Variants in ADGRF4 observed in about 807,000 individuals in gnomAD.
ADGRF4 encodes G-protein coupled receptor PGR18.
Under a neutral mutation model 58.5 loss-of-function variants are expected in ADGRF4, and 63 were observed. The ratio of observed to expected loss-of-function variants is 1.08; its 90% confidence interval spans 0.88 to 1.33. ADGRF4 has a LOEUF of 1.33. ADGRF4 is among the 40% of genes most tolerant of loss of function. ADGRF4 has a pLI of 0.00. For synonymous variants in ADGRF4, 313 were observed against 295.4 expected, an observed-to-expected ratio of 1.06 and a Z score of -0.61; for missense variants, 931 against 843.9, an observed-to-expected ratio of 1.10 and a Z score of -1.28.
intron 3 of ADGRF4, 98 bp downstream of exon 3, chr6:47,708,376 C>A: frequency 1.2e-6 from 1 of 833,796 alleles, no homozygotes; most frequent in East Asian, 2.5e-5. Context: ...ACAGGCTTTC[C>A]AACTGAATAG....
chr6:47,718,493 A>T, intron 9 of ADGRF4, 48 bp downstream of exon 9: 3 of 1,079,814 alleles, frequency 2.8e-6, no homozygotes, highest in Non-Finnish European at 2.9e-6. Context: ...ATTTGTGTCA[A>T]TCCACCAATG....
intron 8 of ADGRF4, 39 bp downstream of exon 8, chr6:47,717,390 G>A (rs566116032): frequency 3.1e-5 from 43 of 1,400,274 alleles, no homozygotes; most frequent in Non-Finnish European, 3.9e-5. Flanking sequence ...TGGAGAGTCC[G>A]TGTCCTTGCC....
chr6:47,719,380 G>T (rs1772105558), intron 9 of ADGRF4, among the ~76,000 whole-genome samples: 1 of 152,094 alleles, frequency 6.6e-6, no homozygotes, highest in South Asian at 2.1e-4. Flanking sequence ...AACGGGGAGA[G>T]GAAAACACAG....
rs1174161889 is a variant in ADGRF4, at chr6:47,721,432, C to G, written c.*227C>G. 1 of 152,190 alleles carries G rather than the reference C, an allele frequency of 6.6e-6. No homozygotes were observed. The highest frequency in any genetic ancestry group is 1.9e-4 in the East Asian group (1 of 5,188). 9.4% of individuals were successfully genotyped at this position (152,190 alleles called of 1,614,324 possible). On this transcript the variant is annotated 3_prime_UTR_variant, in exon 10 of 10. Coordinates refer to ENST00000283303, the MANE Select transcript of ADGRF4 (RefSeq NM_153838.5). Reference sequence around the variant, plus strand: ...ATGATTTATGGACCCCTTAACCTACCCGTGCCCTGCAAGAGGCTGGCTTCT... The same window carrying G: ...ATGATTTATGGACCCCTTAACCTACGCGTGCCCTGCAAGAGGCTGGCTTCT...
chr6:47,713,952 A>G lies in ADGRF4; in HGVS notation c.707A>G (p.Asn236Ser), dbSNP rs763122081. 6.2e-7 allele frequency: 1 copy of G among 1,608,542 alleles called. No homozygotes were observed. Among genetic ancestry groups the G allele is most frequent in the East Asian group, 2.2e-5 (1 of 44,804 alleles). The change falls in exon 6 of 10, where the codon AAT (asparagine) becomes AGT (serine). Residue 236 changes from asparagine (N) to serine (S), a missense_variant. Physicochemically the swap from Asn to Ser is conservative, Grantham distance 46. Transcript: ENST00000283303. ...HIHNNSENIV[N>S]ELFIQTKGFH... ...CACAATAATTCTGAGAACATTGTGAATGAACTCTTCATTCAGACAAAAGGG... is the reference window on the plus strand; with the variant it reads ...CACAATAATTCTGAGAACATTGTGAGTGAACTCTTCATTCAGACAAAAGGG...
rs1278714206 is a variant in ADGRF4 at position 47,712,504 on chromosome 6, G to T, written c.448G>T (p.Val150Leu). ...TGATTATGCCTGCATCACTGACATG[G>T]TGAAATCATCAGAAACAACATCTGG... ...PFDYACITDM[V>L]KSSETTSGNI... The change falls in exon 5 of 10, where the codon GTG (valine) becomes TTG (leucine). Residue 150 changes from valine to leucine, a missense_variant. By Grantham distance (32) the Val-to-Leu change is conservative (BLOSUM62 1). Transcript: ENST00000283303. 6.2e-7 allele frequency: 1 copy of T among 1,613,936 alleles called. No homozygotes were observed. The highest frequency in any genetic ancestry group is 1.1e-5 in the South Asian group (1 of 91,084).
rs538751463 is a variant in ADGRF4 at position 47,714,277 on chromosome 6, T to C, written c.1032T>C (p.Asn344=). ...LTFEKINKTR[N]ARAQCVGWHS... Reference sequence around the variant, plus strand: ...TCGAAAAGATCAATAAAACCCGCAATGCCAGAGCCCAGTGTGTTGGCTGGC... The same window carrying C: ...TCGAAAAGATCAATAAAACCCGCAACGCCAGAGCCCAGTGTGTTGGCTGGC... Residue 344 remains asparagine, a synonymous_variant, in exon 6 of 10, where the codon AAT becomes AAC. Transcript: ENST00000283303. 1 of 1,614,166 alleles carries C rather than the reference T, an allele frequency of 6.2e-7. No homozygotes were observed. Among genetic ancestry groups the C allele is most frequent in the South Asian group, 1.1e-5 (1 of 91,080 alleles).
At chr6:47,718,321 T>G (rs936829843) in intron 8 of ADGRF4, 68 bp from the exon 9 acceptor site, 39 of 844,408 alleles carry the variant, frequency 4.6e-5, no homozygotes, top group Non-Finnish European at 1.0e-5. Context: ...TATTTATCTC[T>G]AGAGAGGGAT....
At chr6:47,712,284 C>T (rs1771889428) in intron 4 of ADGRF4, 73 bp from the exon 5 acceptor site, 3 of 1,474,102 alleles carry the variant, frequency 2.0e-6, no homozygotes, top group South Asian at 2.4e-5. Flanking sequence ...GTAGATTGTG[C>T]TTTAACTCCT....
intron 9 of ADGRF4, among the ~76,000 whole-genome samples, chr6:47,719,435 G>A (rs1468627071): frequency 6.6e-6 from 1 of 152,150 alleles, no homozygotes; most frequent in Non-Finnish European, 1.5e-5. Context: ...AATTTTATAG[G>A]AGACCTTTAC....
intron 3 of ADGRF4, among the ~76,000 whole-genome samples, chr6:47,709,211 A>G (rs188412021): frequency 6.6e-6 from 1 of 152,266 alleles, no homozygotes; most frequent in East Asian, 1.9e-4. Flanking sequence ...TCTCAGCATC[A>G]TTTACTTTCC....
chr6:47,718,489 G>A lies in ADGRF4; in HGVS notation c.*3+44G>A, dbSNP rs1461846275. 12 of 1,153,332 alleles carry A rather than the reference G, an allele frequency of 1.0e-5. No homozygotes were observed. In the East Asian group the frequency reaches 2.8e-4, roughly 27 times the overall value. 71.4% of individuals were successfully genotyped at this position (1,153,332 alleles called of 1,614,324 possible). ...AAGAGAAATTTCACTTGCAATTTGT[G>A]TCAATCCACCAATGCCCCTTGTGAC... On this transcript the variant is annotated intron_variant, in intron 9 of 9. Transcript: ENST00000283303.
rs1304272985 is a variant in ADGRF4 at position 47,698,796 on chromosome 6, T to C, written c.-17+2T>C. ...TGCTAGATCTACTTCCTGGATGCCGTGAGTAGATGTCCTACACCAGCACCA... is the reference window on the plus strand; with the variant it reads ...TGCTAGATCTACTTCCTGGATGCCGCGAGTAGATGTCCTACACCAGCACCA... On this transcript the variant is annotated splice_donor_variant, in intron 1 of 9. Coordinates refer to ENST00000283303, the MANE Select transcript of ADGRF4 (RefSeq NM_153838.5). LOFTEE classifies it low-confidence loss of function (5UTR_SPLICE). 6.6e-6 allele frequency: 1 copy of C among 152,194 alleles called. No individual in the cohort carries two copies. Among genetic ancestry groups the C allele is most frequent in the Non-Finnish European group, 1.5e-5 (1 of 68,038 alleles). The allele number at this position is 152,194 out of a possible 1,614,324, so 9.4% of individuals were successfully genotyped here.
At chr6:47,706,600 C>T (rs2113897316) in intron 1 of ADGRF4, among the ~76,000 whole-genome samples, 1 of 152,308 alleles carries the variant, frequency 6.6e-6, no homozygotes, top group South Asian at 2.1e-4. Context: ...GCCAGGGATG[C>T]TGCTAAGCAT....
intron 9 of ADGRF4, among the ~76,000 whole-genome samples, chr6:47,719,235 G>A (rs987588815): frequency 4.6e-5 from 7 of 152,066 alleles, no homozygotes; most frequent in Non-Finnish European, 1.0e-4. Context: ...AAACCTTTAA[G>A]GGACATCCAT....
rs1771840856 is a variant in ADGRF4, at chr6:47,710,745, A to C, written c.159A>C (p.Glu53Asp). ...TTTTTTTCTTTATAGAGAAATGCGA[A>C]GGACCTTGTATTTCTTCTTCCAACT... The part of the protein sequence containing the change: ...PKTGRIQEKC[E>D]GPCISSSNCS... The change falls in exon 4 of 10, where the codon GAA becomes GAC. Residue 53 changes from glutamate to aspartate, a missense_variant. Transcript: ENST00000283303. The C allele has an allele frequency of 6.2e-7, 1 of 1,601,864 alleles. No individual in the cohort carries two copies. The highest frequency in any genetic ancestry group is 1.4e-5 in the African/African-American group (1 of 73,842).
chr6:47,720,036 T>G (rs1772119987), intron 9 of ADGRF4, among the ~76,000 whole-genome samples: 1 of 152,176 alleles, frequency 6.6e-6, no homozygotes, highest in Non-Finnish European at 1.5e-5. Flanking sequence ...GACTATGCTT[T>G]TCACATCTGG....
intron 5 of ADGRF4, among the ~76,000 whole-genome samples, chr6:47,712,940 C>T (rs1304822804): frequency 3.3e-5 from 5 of 152,136 alleles, no homozygotes; most frequent in Non-Finnish European, 4.4e-5. Flanking sequence ...GGATTGGTAC[C>T]GGGCTGTGGC....
Position 47,718,448 on chromosome 6 carries a change from G to A in ADGRF4, c.*3+3G>A. 1 of 1,535,942 alleles carries A rather than the reference G, an allele frequency of 6.5e-7. No homozygotes were observed. The highest frequency in any genetic ancestry group is 9.0e-7 in the Non-Finnish European group (1 of 1,108,924). Reference sequence around the variant, plus strand: ...TAATGAATCGTCAAGGATGAAATGTGAGTATTAAAAATATAAAGAGAAATT... The same window carrying A: ...TAATGAATCGTCAAGGATGAAATGTAAGTATTAAAAATATAAAGAGAAATT... On this transcript the variant is annotated splice_donor_region_variant and intron_variant, in intron 9 of 9. Coordinates refer to ENST00000283303, the MANE Select transcript of ADGRF4 (RefSeq NM_153838.5).
Sources: allele counts gnomAD v4.1 joint callset (sites outside exome capture counted in the v4.1 genomes callset), GRCh38; gene constraint gnomAD v4.1.1; transcripts MANE v1.5; gene names NCBI Gene and HGNC (gene_info 2026-07-23, HGNC 2026-07-21).